The following AK9 variants were observed in gnomAD, a reference collection of about 807,000 sequenced individuals.
AK9 encodes adenylate kinase 9.
In AK9, 191 loss-of-function variants were observed where a neutral mutation model predicts 239.6. That is an observed-to-expected ratio of 0.80 (90% CI 0.71 to 0.90). The LOEUF (loss-of-function observed/expected upper bound fraction) is 0.90, where lower values mean the gene tolerates loss of function less well. Among genes scored for constraint, AK9 ranks in the 40% least tolerant of loss-of-function variants. The pLI is 0.00. For synonymous variants in AK9, 689 were observed against 721.0 expected (o/e 0.96, Z 0.71); for missense variants, 1,995 against 2,214.7 (o/e 0.90, Z 1.99).
At chr6:109,536,709 T>C (rs1475750046) in intron 27 of AK9, among the ~76,000 whole-genome samples, 3 of 152,230 alleles carry the variant, frequency 2.0e-5, no homozygotes, top group African/African-American at 7.2e-5. Flanking sequence ...CTTCCAGTTT[T>C]TGCCCATTCA....
intron 13 of AK9, among the ~76,000 whole-genome samples, chr6:109,616,696 A>G (rs1339232044): frequency 1.3e-5 from 2 of 152,160 alleles, no homozygotes; most frequent in East Asian, 1.9e-4. Context: ...AATTTTCAAT[A>G]TCTATTCCAG....
chr6:109,494,948 G>C (rs1292459359), intron 39 of AK9, among the ~76,000 whole-genome samples: 1 of 152,182 alleles, frequency 6.6e-6, no homozygotes, highest in Non-Finnish European at 1.5e-5. Flanking sequence ...TTTTTGGTCT[G>C]GTTGTGTCAC....
At chr6:109,533,053 G>A (rs895105911) in intron 28 of AK9, among the ~76,000 whole-genome samples, 198 bp downstream of exon 28, 18 of 152,226 alleles carry the variant, frequency 1.2e-4, no homozygotes, top group African/African-American at 4.3e-4. Flanking sequence ...AAAGAGAGAA[G>A]CATTAACACA....
intron 26 of AK9, 108 bp from the exon 27 acceptor site, chr6:109,542,279 G>T: frequency 6.4e-6 from 7 of 1,099,084 alleles, no homozygotes; most frequent in Non-Finnish European, 8.8e-6. Flanking sequence ...TGGAGGTGGA[G>T]AGTAGAATGA....
At chr6:109,651,847 A>G (rs1249511631) in intron 8 of AK9, among the ~76,000 whole-genome samples, 1 of 152,192 alleles carries the variant, frequency 6.6e-6, no homozygotes, top group East Asian at 1.9e-4. Context: ...TCCCAAGACT[A>G]AACCAGGAAG....
intron 12 of AK9, chr6:109,632,308 T>G: frequency 2.0e-6 from 2 of 985,756 alleles, no homozygotes; most frequent in Non-Finnish European, 2.4e-6. Flanking sequence ...CATTCCTTCT[T>G]GCATAGGCAA....
At chr6:109,511,185 C>T (rs1302471385) in intron 32 of AK9, among the ~76,000 whole-genome samples, 2 of 151,806 alleles carry the variant, frequency 1.3e-5, no homozygotes, top group Non-Finnish European at 1.5e-5. Context: ...TGGTAGTATG[C>T]CCCAAATAAC....
At chr6:109,615,609 G>A (rs1794090273) in intron 13 of AK9, among the ~76,000 whole-genome samples, 1 of 152,000 alleles carries the variant, frequency 6.6e-6, no homozygotes, top group Non-Finnish European at 1.5e-5. Flanking sequence ...TTCAGTGCTG[G>A]TCTTTTTGTT....
intron 17 of AK9, among the ~76,000 whole-genome samples, chr6:109,599,878 T>C (rs1791657646): frequency 6.6e-6 from 1 of 152,214 alleles, no homozygotes; most frequent in Admixed American, 6.5e-5. Flanking sequence ...TCTCTGTTTG[T>C]CTGTTATTGG....
At position 109,506,669 on chromosome 6, in the gene AK9, T is replaced by C; in HGVS notation, c.4613A>G (p.Lys1538Arg). The C allele has an allele frequency of 6.5e-7, 1 of 1,530,778 alleles. No individual in the cohort carries two copies. Among genetic ancestry groups the C allele is most frequent in the Non-Finnish European group, 8.8e-7 (1 of 1,133,882 alleles). 94.8% of individuals were successfully genotyped at this position (1,530,778 alleles called of 1,614,324 possible). A position where few individuals can be genotyped will look rare whatever the true frequency, so the allele number is the denominator to read the frequency against. ...TGTACATTACCTTTGTTCATTTTCT[T>C]TTTCTAGGAGCAATCTTTTGAAAAT... Reference protein sequence around the residue: ...KEIFKRLLLEKENEQRLPYPL... With the variant: ...KEIFKRLLLERENEQRLPYPL... The change falls in exon 34 of 41, where the codon AAA becomes AGA. Residue 1538 changes from lysine (K) to arginine (R), a missense_variant. By Grantham distance (26) the Lys-to-Arg change is conservative. Coordinates refer to ENST00000424296, the MANE Select transcript of AK9 (RefSeq NM_001145128.3).
chr6:109,507,711 CAGT>C (rs1307577361), intron 33 of AK9, among the ~76,000 whole-genome samples: 1 of 152,206 alleles, frequency 6.6e-6, no homozygotes, highest in Non-Finnish European at 1.5e-5. Flanking sequence ...CCCCCTGCCT[CAGT>C]GCTTTCCAGC....
intron 17 of AK9, among the ~76,000 whole-genome samples, chr6:109,597,589 T>A (rs1583181883): frequency 6.6e-6 from 1 of 151,920 alleles, no homozygotes; most frequent in Admixed American, 6.6e-5. Flanking sequence ...AGGAGAATGG[T>A]GTGAACCTGG....
intron 12 of AK9, 58 bp downstream of exon 12, chr6:109,632,851 TGACAGATAGACATA>T (rs1338895810): frequency 7.1e-7 from 1 of 1,404,442 alleles, no homozygotes; most frequent in Non-Finnish European, 9.4e-7. Context: ...TATAGATACA[TGACAGATAGACATA>T]GATAGATAGA....
chr6:109,649,128 G>A (rs141426809), intron 8 of AK9, among the ~76,000 whole-genome samples: 105 of 152,138 alleles, frequency 6.9e-4, no homozygotes, highest in Middle Eastern at 3.4e-3. Flanking sequence ...AACCCACAGC[G>A]AATATCATAC....
intron 24 of AK9, among the ~76,000 whole-genome samples, chr6:109,558,305 T>C (rs1303641813): frequency 1.3e-5 from 2 of 152,216 alleles, no homozygotes; most frequent in African/African-American, 4.8e-5. Flanking sequence ...TAAGAAATTT[T>C]TGCCTAATCC....
At chr6:109,536,808 C>T (rs543650137) in intron 27 of AK9, among the ~76,000 whole-genome samples, 3 of 152,290 alleles carry the variant, frequency 2.0e-5, no homozygotes, top group African/African-American at 4.8e-5. Context: ...GAGTGTTTAG[C>T]ATGAAGGGCT....
At chr6:109,675,337 G>A (rs1028159177) in intron 2 of AK9, among the ~76,000 whole-genome samples, 1 of 152,046 alleles carries the variant, frequency 6.6e-6, no homozygotes, top group African/African-American at 2.4e-5. Context: ...ATAGTATTGC[G>A]GTATATATGT....
At chr6:109,592,395 C>T (rs1790372219) in intron 17 of AK9, among the ~76,000 whole-genome samples, 1 of 151,094 alleles carries the variant, frequency 6.6e-6, no homozygotes, top group South Asian at 2.1e-4. Flanking sequence ...CCAATATCTT[C>T]TGGCTCATAA....
chr6:109,557,455 G>A (rs1161521980), intron 24 of AK9, among the ~76,000 whole-genome samples: 4 of 152,148 alleles, frequency 2.6e-5, no homozygotes, highest in Non-Finnish European at 4.4e-5. Context: ...CCCTGTTAGA[G>A]GGTCTCACCC....
Sources: gnomAD v4.1 joint callset for allele counts (sites outside exome capture counted in the v4.1 genomes callset) on GRCh38, gnomAD v4.1.1 for gene constraint, MANE v1.5 for transcripts, NCBI Gene and HGNC (gene_info 2026-07-23, HGNC 2026-07-21) for gene names.